SPATA3: variants seen among roughly 807,000 people sequenced by gnomAD.
SPATA3 encodes the protein spermatogenesis-associated protein 3.
SPATA3 carries 6 observed loss-of-function variants against 5.7 expected under a neutral mutation model. That is an observed-to-expected ratio of 1.06 (90% CI 0.58 to 2.09). The LOEUF is 2.09. Among genes scored for constraint, SPATA3 ranks in the 30% most tolerant of loss-of-function variants. The probability of loss-of-function intolerance (pLI) is 0.00; values close to 1 mark genes in which losing one functional copy is unlikely to be tolerated. For missense variants in SPATA3, 155 were observed against 130.4 expected, an observed-to-expected ratio of 1.19 and a Z score of -0.92; for synonymous variants, 44 against 48.4, an observed-to-expected ratio of 0.91 and a Z score of 0.37.
At chr2:231,007,628 A>G (rs375515795), downstream of SPATA3, among the ~76,000 whole-genome samples, 43 of 152,376 alleles carry the variant, frequency 2.8e-4, no homozygotes, top group African/African-American at 1.0e-3. Flanking sequence ...TGCACCCCAG[A>G]GGACAGAGGC....
chr2:231,005,358 CCACCACCAT>C (rs1692557448), downstream of SPATA3, among the ~76,000 whole-genome samples: 1 of 94,660 alleles, frequency 1.1e-5, no homozygotes, highest in Non-Finnish European at 2.2e-5. Context: ...ACCATCACCA[CCACCACCAT>C]CATCACCACC....
At chr2:231,014,682 CA>C (rs1417324102) in intron 6 of SPATA3, among the ~76,000 whole-genome samples, 1 of 152,106 alleles carries the variant, frequency 6.6e-6, no homozygotes, top group East Asian at 1.9e-4. Context: ...TCCATCCTTC[CA>C]AAAGGACACC....
At chr2:231,014,068 T>C (rs1182131742) in exon 6 of SPATA3, 6 of 152,142 alleles carry the variant, frequency 3.9e-5, no homozygotes, top group African/African-American at 7.2e-5. Flanking sequence ...TTACATTCCT[T>C]GGGGGTTAGA....
chr2:231,000,631 C>T (rs1054153488), intron 2 of SPATA3, 94 bp downstream of exon 2: 18 of 1,210,372 alleles, frequency 1.5e-5, no homozygotes, highest in Non-Finnish European at 2.0e-5. Context: ...ATCACTTCCT[C>T]TTGGGAATCC....
downstream of SPATA3, among the ~76,000 whole-genome samples, chr2:231,007,946 G>A (rs1692683852): frequency 6.6e-6 from 1 of 152,156 alleles, no homozygotes; most frequent in East Asian, 1.9e-4. Flanking sequence ...GGAGGTCAAG[G>A]CTGCAGTGAG....
intron 5 of SPATA3, among the ~76,000 whole-genome samples, chr2:231,013,102 C>T (rs1247263697): frequency 6.6e-6 from 1 of 152,206 alleles, no homozygotes; most frequent in East Asian, 1.9e-4. Context: ...CAAGACGCTT[C>T]TCTTCTGTCC....
At chr2:231,007,678 T>C (rs1692676641), downstream of SPATA3, among the ~76,000 whole-genome samples, 1 of 152,224 alleles carries the variant, frequency 6.6e-6, no homozygotes, top group Non-Finnish European at 1.5e-5. Flanking sequence ...CAGCTTCTTT[T>C]AGGGTCACCT....
downstream of SPATA3, among the ~76,000 whole-genome samples, chr2:231,003,098 T>A (rs1692417648): frequency 6.6e-6 from 1 of 152,072 alleles, no homozygotes; most frequent in Admixed American, 6.5e-5. Context: ...GGGCAAAGGT[T>A]TCTACCCATC....
downstream of SPATA3, among the ~76,000 whole-genome samples, chr2:231,005,481 C>CAT (rs1692574888): frequency 1.9e-5 from 1 of 53,410 alleles, no homozygotes; most frequent in Non-Finnish European, 4.1e-5. Flanking sequence ...ATCATCACCA[C>CAT]CACCACCATC....
intron 1 of SPATA3, among the ~76,000 whole-genome samples, 160 bp downstream of exon 1, chr2:230,996,694 G>A (rs1692137080): frequency 1.3e-5 from 2 of 152,166 alleles, no homozygotes; most frequent in Admixed American, 6.5e-5. Flanking sequence ...CTACCCAAGA[G>A]ACCAGGATTC....
intron 6 of SPATA3, among the ~76,000 whole-genome samples, chr2:231,016,678 CT>C (rs35822296): frequency 0.33 from 49,376 of 151,746 alleles, 8,260 homozygotes; most frequent in Admixed American, 0.39. Context: ...GATTGAGACT[CT>C]TATCTCAAAA....
At chr2:231,010,913 T>TA (rs58404200), downstream of SPATA3, among the ~76,000 whole-genome samples, 239 of 131,872 alleles carry the variant, frequency 1.8e-3, no homozygotes, top group Admixed American at 2.1e-3. Flanking sequence ...TGTATTTTTC[T>TA]AAAAAAAAAA....
At chr2:231,000,421 C>G in exon 2 of SPATA3, 1 of 1,546,982 alleles carries the variant, frequency 6.5e-7, no homozygotes. Flanking sequence ...GCCCCTGCAG[C>G]TCCGCTTGCT....
chr2:231,003,032 C>T (rs1489574111), downstream of SPATA3, among the ~76,000 whole-genome samples: 1 of 152,128 alleles, frequency 6.6e-6, no homozygotes, highest in Non-Finnish European at 1.5e-5. Context: ...ACCTCCTCTG[C>T]CCCGGGATGG....
At chr2:231,001,913 G>T (rs959089471) in intron 2 of SPATA3, among the ~76,000 whole-genome samples, 1 of 152,156 alleles carries the variant, frequency 6.6e-6, no homozygotes, top group Non-Finnish European at 1.5e-5. Flanking sequence ...CCTCTGAAAG[G>T]TTCCTGTCAA....
At chr2:231,018,172 G>A (rs565996475) in intron 6 of SPATA3, among the ~76,000 whole-genome samples, 9 of 152,162 alleles carry the variant, frequency 5.9e-5, no homozygotes, top group East Asian at 1.9e-4. Context: ...TGATCCGCCC[G>A]CCTCAGCCTC....
intron 1 of SPATA3, 28 bp downstream of exon 1, chr2:230,996,562 C>T: frequency 6.5e-7 from 1 of 1,546,760 alleles, no homozygotes; most frequent in Non-Finnish European, 8.7e-7. Flanking sequence ...TTCAGCAGTT[C>T]CAGCCTTCCT....
At chr2:231,002,528 G>A (rs183953535) in intron 2 of SPATA3, among the ~76,000 whole-genome samples, 156 bp from the exon 3 acceptor site, 114 of 152,228 alleles carry the variant, frequency 7.5e-4, no homozygotes, top group African/African-American at 2.7e-3. Flanking sequence ...TGGAAGGATG[G>A]GAAGAATTAA....
At chr2:231,008,797 T>C (rs370298866), downstream of SPATA3, among the ~76,000 whole-genome samples, 44 of 152,330 alleles carry the variant, frequency 2.9e-4, no homozygotes, top group South Asian at 3.5e-3. Context: ...TTAGCTCCTA[T>C]AAAAGTCAGG....
Sources: allele counts gnomAD v4.1 joint callset (sites outside exome capture counted in the v4.1 genomes callset), GRCh38; gene constraint gnomAD v4.1.1; transcripts MANE v1.5; gene names NCBI Gene and HGNC (gene_info 2026-07-23, HGNC 2026-07-21).